The following TMEM108 variants were observed in gnomAD, a reference collection of about 807,000 sequenced individuals.
The protein encoded by TMEM108 is cancer/testis antigen 124.
Under a neutral mutation model 35.1 loss-of-function variants are expected in TMEM108, and 12 were observed. That is an observed-to-expected ratio of 0.34 (90% CI 0.22 to 0.55). The LOEUF (loss-of-function observed/expected upper bound fraction) is 0.55, where lower values mean the gene tolerates loss of function less well. Ranked by LOEUF, TMEM108 falls within the 20% of genes least tolerant of loss-of-function variation. TMEM108 has a pLI of 0.89. For missense variants in TMEM108, 680 were observed against 753.3 expected, an observed-to-expected ratio of 0.90 and a Z score of 1.14; for synonymous variants, 287 against 308.6, an observed-to-expected ratio of 0.93 and a Z score of 0.73.
chr3:133,361,510 C>T (rs906156197), intron 3 of TMEM108, among the ~76,000 whole-genome samples: 1 of 152,192 alleles, frequency 6.6e-6, no homozygotes, highest in African/African-American at 2.4e-5. Flanking sequence ...AATAATGACA[C>T]CATTCATTTT....
At chr3:133,297,948 A>T (rs564550886) in intron 3 of TMEM108, among the ~76,000 whole-genome samples, 1 of 152,296 alleles carries the variant, frequency 6.6e-6, no homozygotes, top group East Asian at 1.9e-4. Context: ...TTATTTCACT[A>T]AATGTGCACA....
rs1436651700 is a variant in TMEM108, at chr3:133,397,206, A to C, written c.*1220A>C. 1 of 152,070 alleles carries C rather than the reference A, an allele frequency of 6.6e-6. No homozygotes were observed. The highest frequency in any genetic ancestry group is 1.5e-5 in the Non-Finnish European group (1 of 68,014). The allele number at this position is 152,070 out of a possible 1,614,324, so 9.4% of individuals were successfully genotyped here. A position where few individuals can be genotyped will look rare whatever the true frequency, so the allele number is the denominator to read the frequency against. ...GTGGCCGCTTCTCTATTTTTTCCTG[A>C]TTGTGGCTGAGAGAGATGATTACTG... On this transcript the variant is annotated 3_prime_UTR_variant, in exon 6 of 6. Transcript: ENST00000321871.
At chr3:133,143,856 G>GC (rs1310313563) in intron 2 of TMEM108, among the ~76,000 whole-genome samples, 3 of 152,080 alleles carry the variant, frequency 2.0e-5, no homozygotes, top group African/African-American at 7.2e-5. Context: ...TCCCTGACCT[G>GC]CATTGCTTCC....
At chr3:133,122,447 G>C (rs1397281620) in intron 2 of TMEM108, among the ~76,000 whole-genome samples, 1 of 152,000 alleles carries the variant, frequency 6.6e-6, no homozygotes, top group Admixed American at 6.6e-5. Flanking sequence ...AGTTACGCAG[G>C]GATACCTGAA....
chr3:133,176,874 GGA>G (rs1945239494), intron 2 of TMEM108, among the ~76,000 whole-genome samples: 1 of 152,016 alleles, frequency 6.6e-6, no homozygotes, highest in Non-Finnish European at 1.5e-5. Flanking sequence ...AATGAATCCA[GGA>G]GCTGATTTTT....
At chr3:133,106,237 C>T (rs144643577) in intron 2 of TMEM108, among the ~76,000 whole-genome samples, 227 of 122,894 alleles carry the variant, frequency 1.8e-3, no homozygotes, top group African/African-American at 6.5e-3. Flanking sequence ...AATAATGTTA[C>T]GTATTTGTAG....
intron 2 of TMEM108, among the ~76,000 whole-genome samples, chr3:133,201,188 G>A (rs907811483): frequency 3.3e-5 from 5 of 152,046 alleles, no homozygotes; most frequent in African/African-American, 1.2e-4. Context: ...GCTTAAGCCT[G>A]GAAACAGATG....
chr3:133,092,335 A>G (rs1245962917), intron 2 of TMEM108, among the ~76,000 whole-genome samples: 3 of 152,246 alleles, frequency 2.0e-5, no homozygotes, highest in Admixed American at 6.5e-5. Flanking sequence ...AGTGTTTCCC[A>G]AACTCCAGGG....
intron 2 of TMEM108, among the ~76,000 whole-genome samples, chr3:133,175,238 T>C (rs1430844211): frequency 2.0e-5 from 3 of 152,204 alleles, no homozygotes; most frequent in Admixed American, 6.5e-5. Context: ...TGGAACCAAG[T>C]TGGAAAACAC....
intron 3 of TMEM108, among the ~76,000 whole-genome samples, chr3:133,369,310 T>C (rs2072589937): frequency 6.6e-6 from 1 of 152,088 alleles, no homozygotes; most frequent in Non-Finnish European, 1.5e-5. Context: ...GATGAATACA[T>C]CATCACCGAG....
At chr3:133,288,228 T>C (rs186228640) in intron 3 of TMEM108, among the ~76,000 whole-genome samples, 2 of 152,340 alleles carry the variant, frequency 1.3e-5, no homozygotes, top group African/African-American at 4.8e-5. Flanking sequence ...AACTGATTTT[T>C]CCTAATACTT....
chr3:133,201,723 C>G (rs747214948), intron 2 of TMEM108, among the ~76,000 whole-genome samples: 1 of 152,012 alleles, frequency 6.6e-6, no homozygotes. Flanking sequence ...GGGTTGGTTC[C>G]AAGTCTTTGC....
chr3:133,253,935 C>T (rs924168778), intron 3 of TMEM108, among the ~76,000 whole-genome samples: 8 of 152,144 alleles, frequency 5.3e-5, no homozygotes, highest in African/African-American at 1.9e-4. Context: ...CGGGAGGTAA[C>T]TAATTAGATA....
In TMEM108 at chr3:133,176,433, C is replaced by A. The variant is rs1945230107; in HGVS notation, c.-46-52833C>A. On this transcript the variant is annotated intron_variant, in intron 2 of 5. Transcript: ENST00000321871. ...CCACATAGTTGGAAGTAAAGCACACCTCAGCAAATGTAAAAGAACAGAAAT... is the reference window on the plus strand; with the variant it reads ...CCACATAGTTGGAAGTAAAGCACACATCAGCAAATGTAAAAGAACAGAAAT... Among the ~76,000 whole-genome samples, 7 of 152,160 alleles carry A rather than the reference C, an allele frequency of 4.6e-5. No homozygotes were observed. The South Asian group carries it at 1.4e-3, about 32-fold the overall frequency.
intron 3 of TMEM108, among the ~76,000 whole-genome samples, chr3:133,233,749 G>A (rs1380531530): frequency 6.6e-6 from 1 of 150,608 alleles, no homozygotes; most frequent in Non-Finnish European, 1.5e-5. Flanking sequence ...GTGTGAGATG[G>A]TATCTCATTG....
At chr3:133,356,063 A>G (rs1576492557) in intron 3 of TMEM108, among the ~76,000 whole-genome samples, 2 of 152,158 alleles carry the variant, frequency 1.3e-5, no homozygotes, top group African/African-American at 4.8e-5. Flanking sequence ...ATGATCATAT[A>G]TATAGAACAC....
At chr3:133,231,343 T>C (rs1226899832) in intron 3 of TMEM108, among the ~76,000 whole-genome samples, 1 of 152,186 alleles carries the variant, frequency 6.6e-6, no homozygotes, top group Non-Finnish European at 1.5e-5. Context: ...ATAACAGTTA[T>C]TTATTTCGTT....
At chr3:133,138,767 AT>A (rs952541931) in intron 2 of TMEM108, among the ~76,000 whole-genome samples, 91 of 147,616 alleles carry the variant, frequency 6.2e-4, no homozygotes, top group Middle Eastern at 3.5e-3. Flanking sequence ...ACCTCTGTTG[AT>A]TTTTTTTTTT....
intron 2 of TMEM108, among the ~76,000 whole-genome samples, chr3:133,055,915 G>A (rs1388939000): frequency 1.3e-5 from 2 of 152,134 alleles, no homozygotes; most frequent in African/African-American, 4.8e-5. Flanking sequence ...GTATTTACCA[G>A]GCATTAAATG....
Sources: allele counts gnomAD v4.1 joint callset (sites outside exome capture counted in the v4.1 genomes callset), GRCh38; gene constraint gnomAD v4.1.1; transcripts MANE v1.5; gene names NCBI Gene and HGNC (gene_info 2026-07-23, HGNC 2026-07-21).